STAB2: variants seen among roughly 807,000 people sequenced by gnomAD.
STAB2 encodes the protein stabilin 2.
In STAB2, 288 loss-of-function variants were observed where a neutral mutation model predicts 338.1. The ratio of observed to expected loss-of-function variants is 0.85; its 90% CI spans 0.77 to 0.94. The LOEUF (loss-of-function observed/expected upper bound fraction) is 0.94, where lower values mean the gene tolerates loss of function less well. STAB2 is among the 40% of genes least tolerant of loss of function. STAB2 has a pLI of 0.00. For missense variants in STAB2, 3,141 were observed against 3,210.1 expected, an observed-to-expected ratio of 0.98 and a Z score of 0.52; for synonymous variants, 1,202 against 1,193.3, an observed-to-expected ratio of 1.01 and a Z score of -0.15.
chr12:103,679,604 G>A (rs936912018), intron 25 of STAB2, among the ~76,000 whole-genome samples: 2 of 152,102 alleles, frequency 1.3e-5, no homozygotes, highest in African/African-American at 4.8e-5. Flanking sequence ...GTGACAGTTG[G>A]CAATGGGACA....
In STAB2 at chr12:103,719,138, C is replaced by A. The variant is rs552874075; in HGVS notation, c.4683+1297C>A. 2.6e-5 allele frequency among the ~76,000 whole-genome samples: 4 copies of A among 152,264 alleles called. No individual in the cohort carries two copies. In the South Asian group the frequency reaches 8.3e-4, roughly 32 times the overall value. The stretch of plus-strand genomic sequence containing the variant: ...AGCCTAATTGTCCCAGGCCTGGTAC[C>A]TGCAAAGGGATGAGATAAGCCTGCT... On this transcript the variant is annotated intron_variant, in intron 44 of 68. Coordinates refer to ENST00000388887, the MANE Select transcript of STAB2 (RefSeq NM_017564.10).
At chr12:103,616,676 C>G (rs1006214240) in intron 3 of STAB2, among the ~76,000 whole-genome samples, 3 of 152,208 alleles carry the variant, frequency 2.0e-5, no homozygotes, top group African/African-American at 7.2e-5. Context: ...TCCTTGTACA[C>G]CCATTTCTGG....
chr12:103,759,399 A>T, intron 65 of STAB2, 126 bp downstream of exon 65: 1 of 1,349,504 alleles, frequency 7.4e-7, no homozygotes, highest in Non-Finnish European at 9.9e-7. Flanking sequence ...CAGATAGGGG[A>T]CGGTGTTAAC....
At chr12:103,668,830 G>A (rs1364594143) in intron 20 of STAB2, 101 bp downstream of exon 20, 63 of 1,028,538 alleles carry the variant, frequency 6.1e-5, no homozygotes, top group Admixed American at 8.7e-5. Context: ...CAGGTGGCCC[G>A]TGCTTGCTGT....
chr12:103,698,613 C>A (rs551142002), intron 33 of STAB2, among the ~76,000 whole-genome samples: 1 of 152,256 alleles, frequency 6.6e-6, no homozygotes, highest in Admixed American at 6.5e-5. Flanking sequence ...GCAGCAACAA[C>A]CCTCCTCACT....
At position 103,734,738 on chromosome 12, in the gene STAB2, GT is replaced by G. The variant is rs919369976; in HGVS notation, c.5461-744del. ...CTGGGCAGCTTAAGCCACAGAAGTG[GT>G]TTTTTTTTGTAGTAAACAGTTCTGG... On this transcript the variant is annotated intron_variant, in intron 51 of 68. Transcript: ENST00000388887. Among the ~76,000 whole-genome samples the G allele has an allele frequency of 4.0e-5, 6 of 151,746 alleles. No individual in the cohort carries two copies. In the East Asian group the frequency reaches 5.8e-4, roughly 15 times the overall value.
intron 33 of STAB2, among the ~76,000 whole-genome samples, chr12:103,697,104 T>C (rs1276966901): frequency 1.3e-5 from 2 of 152,204 alleles, no homozygotes; most frequent in Non-Finnish European, 2.9e-5. Flanking sequence ...ACTCATCATG[T>C]CCAGTCCCAC....
chr12:103,695,932 A>C, intron 33 of STAB2, 88 bp downstream of exon 33: 1 of 1,277,026 alleles, frequency 7.8e-7, no homozygotes. Context: ...GTGCCATTTC[A>C]CTCCTTCATC....
intron 28 of STAB2, among the ~76,000 whole-genome samples, chr12:103,689,209 G>T (rs143967679): frequency 3.9e-4 from 59 of 152,244 alleles, no homozygotes; most frequent in Non-Finnish European, 6.5e-4. Flanking sequence ...GTGGCTGGGC[G>T]CAGTGGCTCA....
At chr12:103,688,754 T>C (rs1035464803) in intron 28 of STAB2, among the ~76,000 whole-genome samples, 1 of 152,162 alleles carries the variant, frequency 6.6e-6, no homozygotes, top group Non-Finnish European at 1.5e-5. Context: ...CATCCCAGCA[T>C]AGGTGAAAGA....
intron 3 of STAB2, among the ~76,000 whole-genome samples, chr12:103,615,876 G>T (rs549398459): frequency 6.6e-6 from 1 of 152,220 alleles, no homozygotes; most frequent in East Asian, 1.9e-4. Flanking sequence ...CAGCACGGGG[G>T]AAACTGCCCC....
chr12:103,591,421 G>A (rs1956796479), intron 2 of STAB2, among the ~76,000 whole-genome samples: 1 of 152,150 alleles, frequency 6.6e-6, no homozygotes, highest in Admixed American at 6.5e-5. Flanking sequence ...GGAGGAGGAA[G>A]TTGCAGTGAG....
chr12:103,651,924 A>G (rs79216718), intron 11 of STAB2, among the ~76,000 whole-genome samples: 2,342 of 152,258 alleles, frequency 0.015, 74 homozygotes, highest in African/African-American at 0.054. Flanking sequence ...TCTATTGTTC[A>G]CCTTCAGAGA....
rs113254934 is a variant in STAB2 at position 103,748,426 on chromosome 12, T to C, written c.6245-537T>C. Among the ~76,000 whole-genome samples the C allele has an allele frequency of 9.9e-5, 15 of 152,278 alleles. 1 individual carries two copies. Among genetic ancestry groups the C allele is most frequent in the African/African-American group, 3.4e-4 (14 of 41,566 alleles). ...GCACAGTGAGGAAAGCATGGATTTT[T>C]GGAGGCAAACCAACCTGGGTTTAAA... On this transcript the variant is annotated intron_variant, in intron 58 of 68. Transcript: ENST00000388887.
rs986791913 is a variant in STAB2, at chr12:103,685,164, T to C, written c.2997+80T>C. The C allele has an allele frequency of 3.9e-6, 5 of 1,285,364 alleles. No homozygotes were observed. The Admixed American group carries it at 9.3e-5, about 24-fold the overall frequency. The allele number at this position is 1,285,364 out of a possible 1,614,324, so 79.6% of individuals were successfully genotyped here. ...TAGCTAAGATGCCTTTAAAGTGATC[T>C]ATTGACATATCTTTTGCTGCAGGAG... On this transcript the variant is annotated intron_variant, in intron 27 of 68. Coordinates refer to ENST00000388887, the MANE Select transcript of STAB2 (RefSeq NM_017564.10).
At chr12:103,715,197 C>G (rs1880205366) in intron 42 of STAB2, among the ~76,000 whole-genome samples, 1 of 152,188 alleles carries the variant, frequency 6.6e-6, no homozygotes, top group South Asian at 2.1e-4. Context: ...AAATGTCACA[C>G]AAGTGATATT....
chr12:103,675,942 C>G lies in STAB2; in HGVS notation c.2567C>G (p.Ala856Gly), dbSNP rs1876305689. 1.2e-6 allele frequency: 2 copies of G among 1,612,880 alleles called. No individual in the cohort carries two copies. Among genetic ancestry groups the G allele is most frequent in the East Asian group, 4.5e-5 (2 of 44,848 alleles). Residue 856 changes from alanine (A) to glycine (G), a missense_variant, in exon 24 of 69, where the codon GCA becomes GGA. Physicochemically the swap from Ala to Gly is moderately conservative, Grantham distance 60. Transcript: ENST00000388887. Reference protein sequence around the residue: ...SNGTASCICKAGYEGDGTLCS... With the variant: ...SNGTASCICKGGYEGDGTLCS... ...CTCCTTTGCAGTTGTATTTGCAAAG[C>G]AGGATATGAAGGAGATGGAACTCTG...
At position 103,755,723 on chromosome 12, in the gene STAB2, G is replaced by A; in HGVS notation, c.6987+5G>A. The A allele has an allele frequency of 1.2e-6, 2 of 1,614,010 alleles. No individual in the cohort carries two copies. Among genetic ancestry groups the A allele is most frequent in the Non-Finnish European group, 1.7e-6 (2 of 1,179,966 alleles). On this transcript the variant is annotated splice_donor_5th_base_variant and intron_variant, in intron 63 of 68. Transcript: ENST00000388887. ...TCACTCACAAACTTCCTGACGGTAT[G>A]TACCATGTCTGCTTGGTTTGCCTCA...
At chr12:103,671,373 C>T (rs1005258105) in intron 22 of STAB2, among the ~76,000 whole-genome samples, 32 of 152,080 alleles carry the variant, frequency 2.1e-4, no homozygotes, top group African/African-American at 7.7e-4. Flanking sequence ...AATGGTTGAA[C>T]TCAGGAGGCA....
Sources: allele counts gnomAD v4.1 joint callset (sites outside exome capture counted in the v4.1 genomes callset), GRCh38; gene constraint gnomAD v4.1.1; transcripts MANE v1.5; gene names NCBI Gene and HGNC (gene_info 2026-07-23, HGNC 2026-07-21).